SVIL: variants seen among roughly 807,000 people sequenced by gnomAD.
SVIL encodes supervillin, also known as archvillin.
Under a neutral mutation model 240.4 loss-of-function variants are expected in SVIL, and 101 were observed. That is an observed-to-expected ratio of 0.42 (90% CI 0.36 to 0.50). SVIL has a LOEUF of 0.50. Among genes scored for constraint, SVIL ranks in the 20% least tolerant of loss-of-function variants. The pLI, the probability that SVIL is intolerant of heterozygous loss-of-function variation, is 0.01. For synonymous variants in SVIL, 999 were observed against 1,100.0 expected, an observed-to-expected ratio of 0.91 and a Z score of 1.82; for missense variants, 2,512 against 2,818.7, an observed-to-expected ratio of 0.89 and a Z score of 2.46.
Position 29,493,287 on chromosome 10 carries a change from C to A in SVIL, c.3946G>T (p.Asp1316Tyr), listed in dbSNP as rs769292595. 2 of 1,614,162 alleles carry A rather than the reference C, an allele frequency of 1.2e-6. No homozygotes were observed. The highest frequency in any genetic ancestry group is 3.3e-4 in the Middle Eastern group (2 of 6,062). ...ACAGGACTTCTTGGCATATTATAAT[C>A]CACGCTGCGGTAAAATTTGGCAAAG... ...ETFAKFYRSVDYNMPRSPVEM... is the reference protein window; with the variant it reads ...ETFAKFYRSVYYNMPRSPVEM... The change falls in exon 21 of 38, where the codon GAT (aspartate) becomes TAT (tyrosine). Residue 1316 changes from aspartate (D) to tyrosine (Y), a missense_variant. Around this residue, in one of 3 missense-constraint regions of SVIL, gnomAD observed 272 missense variants for 406.8 expected, o/e 0.67. Coordinates refer to ENST00000355867, the MANE Select transcript of SVIL (RefSeq NM_021738.3).
intron 2 of SVIL, among the ~76,000 whole-genome samples, chr10:29,673,590 AGAG>A (rs1449739999): frequency 7.4e-5 from 11 of 149,132 alleles, no homozygotes; most frequent in Non-Finnish European, 1.3e-4. Context: ...GGAGAGAGAG[AGAG>A]AGAGAGAGAG....
Position 29,490,858 on chromosome 10 carries a change from T to G in SVIL, c.4181A>C (p.Lys1394Thr). Residue 1394 changes from lysine to threonine, a missense_variant, in exon 22 of 38, where the codon AAA becomes ACA. Transcript: ENST00000355867. ...GTTCAAATACTCACTCTTTTCTACT[T>G]TCATCCGCTTTGACTCCATGAAGGC... is the stretch of plus-strand genomic sequence containing the variant. ...NVAFMESKRM[K>T]VEKMSSNSNF... 1 of 1,613,868 alleles carries G rather than the reference T, an allele frequency of 6.2e-7. No individual in the cohort carries two copies.
intron 1 of SVIL, among the ~76,000 whole-genome samples, chr10:29,600,640 T>A (rs1024686229): frequency 2.0e-5 from 3 of 152,188 alleles, no homozygotes; most frequent in Non-Finnish European, 4.4e-5. Context: ...GGGATGCATT[T>A]TATACACATA....
chr10:29,724,088 A>G (rs1180390532), intron 1 of SVIL, among the ~76,000 whole-genome samples: 1 of 152,114 alleles, frequency 6.6e-6, no homozygotes, highest in Non-Finnish European at 1.5e-5. Context: ...AAAGGATGCT[A>G]CTATTTGAAC....
rs1407437986 is a variant in SVIL at position 29,551,243 on chromosome 10, C to T, written c.181G>A (p.Glu61Lys). The T allele has an allele frequency of 1.2e-6, 2 of 1,600,066 alleles. No individual in the cohort carries two copies. The highest frequency in any genetic ancestry group is 1.7e-5 in the Admixed American group (1 of 57,910). The change falls in exon 6 of 38, where the codon GAA (glutamate) becomes AAA (lysine). Residue 61 changes from glutamate to lysine, a missense_variant. Coordinates refer to ENST00000355867, the MANE Select transcript of SVIL (RefSeq NM_021738.3). Reference sequence around the variant, plus strand: ...TTTTCTAGAGAAGAATCAGAAGTTTCCTCCTCTTCATTTGATCGGCCTACA... The same window carrying T: ...TTTTCTAGAGAAGAATCAGAAGTTTTCTCCTCTTCATTTGATCGGCCTACA... ...PHIGRSNEEE[E>K]TSDSSLEKQT... is the part of the protein sequence containing the mutation.
intron 1 of SVIL, among the ~76,000 whole-genome samples, chr10:29,574,697 C>G (rs1215327052): frequency 2.6e-5 from 4 of 152,210 alleles, no homozygotes; most frequent in Non-Finnish European, 5.9e-5. Flanking sequence ...CCTGATCAGC[C>G]TGAGCACAAG....
rs116043769 is a variant in SVIL, at chr10:29,657,429, C to T, written c.-201+540G>A. ...TAACTTTAATCCAATGCTTTCCAAACGCACTTAGGCATAGACCCATCCTCT... is the reference window on the plus strand; with the variant it reads ...TAACTTTAATCCAATGCTTTCCAAATGCACTTAGGCATAGACCCATCCTCT... On this transcript the variant is annotated intron_variant, in intron 3 of 35. Coordinates refer to the SVIL transcript ENST00000375400. 5.6e-3 allele frequency among the ~76,000 whole-genome samples: 855 copies of T among 152,326 alleles called. 7 individuals carry two copies. The highest frequency in any genetic ancestry group is 0.018 in the African/African-American group (764 of 41,574).
intron 2 of SVIL, among the ~76,000 whole-genome samples, chr10:29,665,578 G>A (rs566978545): frequency 1.3e-5 from 2 of 152,196 alleles, no homozygotes; most frequent in South Asian, 2.1e-4. Flanking sequence ...GGTGGATCAC[G>A]AGGTCAGGAG....
At chr10:29,693,025 G>A (rs1024407630) in intron 1 of SVIL, among the ~76,000 whole-genome samples, 30 of 152,148 alleles carry the variant, frequency 2.0e-4, no homozygotes, top group African/African-American at 6.7e-4. Context: ...CATCGCCAAG[G>A]TCCGATTTTT....
intron 2 of SVIL, among the ~76,000 whole-genome samples, chr10:29,677,108 A>ATCC (rs1960261385): frequency 6.6e-6 from 1 of 152,236 alleles, no homozygotes; most frequent in Non-Finnish European, 1.5e-5. Context: ...CAGGGACTAA[A>ATCC]TAGTATTAAA....
At chr10:29,710,825 A>C (rs1408709469) in intron 1 of SVIL, among the ~76,000 whole-genome samples, 1 of 152,166 alleles carries the variant, frequency 6.6e-6, no homozygotes, top group African/African-American at 2.4e-5. Flanking sequence ...AAGACTATTA[A>C]ATATATTTCA....
chr10:29,731,767 A>T (rs1964635244), intron 1 of SVIL, among the ~76,000 whole-genome samples: 1 of 152,250 alleles, frequency 6.6e-6, no homozygotes, highest in African/African-American at 2.4e-5. Context: ...TCTCTTTACA[A>T]TGACTACAGT....
In SVIL at chr10:29,735,774, C is replaced by G. The variant is rs1368439081; in HGVS notation, c.-423G>C. The stretch of plus-strand genomic sequence containing the variant: ...ACCTACCCGGCTCTTCCACACCTCC[C>G]GGTGGCAGGATCGCCGCTTCCCGCC... On this transcript the variant is annotated 5_prime_UTR_variant, in exon 1 of 36. Transcript: ENST00000375400. The surrounding 1 kb of genome is among the most constrained non-coding windows in gnomAD (Gnocchi z 4.1). 2.6e-5 allele frequency: 4 copies of G among 151,972 alleles called. No homozygotes were observed. Among genetic ancestry groups the G allele is most frequent in the African/African-American group, 9.7e-5 (4 of 41,390 alleles). 9.4% of individuals were successfully genotyped at this position (151,972 alleles called of 1,614,324 possible).
intron 17 of SVIL, among the ~76,000 whole-genome samples, chr10:29,507,130 G>A (rs1564536718): frequency 6.6e-6 from 1 of 152,022 alleles, no homozygotes; most frequent in Non-Finnish European, 1.5e-5. Flanking sequence ...GTTTTAATAG[G>A]GCCATTGGAA....
chr10:29,639,944 T>G (rs1319859790), upstream of SVIL, among the ~76,000 whole-genome samples: 1 of 152,162 alleles, frequency 6.6e-6, no homozygotes, highest in Non-Finnish European at 1.5e-5. Context: ...TGGACTTTTC[T>G]GGCGCTTTGG....
intron 1 of SVIL, among the ~76,000 whole-genome samples, chr10:29,631,359 C>A (rs952872543): frequency 1.3e-5 from 2 of 152,170 alleles, no homozygotes; most frequent in East Asian, 3.9e-4. Flanking sequence ...GATGGCGAGG[C>A]GAGGCCAGGC....
intron 2 of SVIL, among the ~76,000 whole-genome samples, 190 bp from the exon 3 acceptor site, chr10:29,563,482 T>C (rs1658047988): frequency 1.3e-5 from 2 of 152,182 alleles, no homozygotes; most frequent in Non-Finnish European, 2.9e-5. Context: ...TGTAAATATT[T>C]GATTTTTTGT....
intron 17 of SVIL, 116 bp from the exon 18 acceptor site, chr10:29,499,379 T>C: frequency 1.5e-6 from 2 of 1,309,072 alleles, no homozygotes; most frequent in Non-Finnish European, 2.1e-6. Flanking sequence ...GTAAGTATAT[T>C]GTCCAAAGAT....
upstream of SVIL, among the ~76,000 whole-genome samples, chr10:29,636,681 C>T (rs1227045993): frequency 6.6e-6 from 1 of 152,154 alleles, no homozygotes; most frequent in Non-Finnish European, 1.5e-5. Context: ...CACTTCTTTC[C>T]AATGATGATA....
Sources: allele counts gnomAD v4.1 joint callset (sites outside exome capture counted in the v4.1 genomes callset), GRCh38; gene constraint gnomAD v4.1.1; regional missense constraint gnomAD v4.1.1; non-coding constraint Gnocchi (gnomAD v3.1); transcripts MANE v1.5; gene names NCBI Gene and HGNC (gene_info 2026-07-23, HGNC 2026-07-21).